MARCHF1: variants seen among roughly 807,000 people sequenced by gnomAD.
The protein encoded by MARCHF1 is E3 ubiquitin-protein ligase MARCHF1.
A neutral mutation model predicts 54.2 loss-of-function variants in MARCHF1; 40 were observed. The observed-to-expected ratio is 0.74, with a 90% CI of 0.57 to 0.96. The LOEUF is 0.96. MARCHF1 is among the 40% of genes least tolerant of loss of function. The pLI is 0.00. For synonymous variants in MARCHF1, 236 were observed against 236.3 expected (o/e 1.00, Z 0.01); for missense variants, 586 against 656.5 (o/e 0.89, Z 1.17).
chr4:164,302,440 C>T (rs1243699778), intron 1 of MARCHF1, among the ~76,000 whole-genome samples: 4 of 152,098 alleles, frequency 2.6e-5, no homozygotes, highest in Non-Finnish European at 5.9e-5. Flanking sequence ...ATTTTCCAAA[C>T]CTCTTTTTTA....
At chr4:164,148,729 A>T (rs1302639065) in intron 1 of MARCHF1, among the ~76,000 whole-genome samples, 1 of 152,200 alleles carries the variant, frequency 6.6e-6, no homozygotes, top group African/African-American at 2.4e-5. Flanking sequence ...CCACTGTGCC[A>T]TTATAAATAT....
At chr4:163,865,678 A>T (rs1021364156) in intron 3 of MARCHF1, among the ~76,000 whole-genome samples, 4 of 151,698 alleles carry the variant, frequency 2.6e-5, no homozygotes, top group African/African-American at 9.7e-5. Context: ...ATTTAATATA[A>T]ATATTTTACA....
intron 4 of MARCHF1, among the ~76,000 whole-genome samples, chr4:163,853,057 T>C (rs1749682852): frequency 6.6e-6 from 1 of 152,168 alleles, no homozygotes; most frequent in African/African-American, 2.4e-5. Context: ...CACCTTAATC[T>C]TGGACTCCAG....
intron 1 of MARCHF1, among the ~76,000 whole-genome samples, chr4:164,253,813 G>A (rs983578932): frequency 3.3e-5 from 5 of 151,984 alleles, no homozygotes; most frequent in Admixed American, 6.6e-5. Context: ...AAGAAAATCT[G>A]ACACATCCAT....
intron 2 of MARCHF1, among the ~76,000 whole-genome samples, chr4:164,056,731 G>T (rs1425007971): frequency 6.6e-6 from 1 of 152,152 alleles, no homozygotes; most frequent in African/African-American, 2.4e-5. Context: ...TTCAGGCATT[G>T]TCTGTGCCTG....
At chr4:164,333,966 A>G in intron 1 of MARCHF1, among the ~76,000 whole-genome samples, 1 of 152,240 alleles carries the variant, frequency 6.6e-6, no homozygotes, top group East Asian at 1.9e-4. Context: ...CCTTTAAGCC[A>G]AAGCGTAATC....
intron 3 of MARCHF1, among the ~76,000 whole-genome samples, chr4:163,886,728 T>A (rs543037576): frequency 6.6e-6 from 1 of 152,202 alleles, no homozygotes; most frequent in South Asian, 2.1e-4. Context: ...TGGTGAGAGA[T>A]AAGGAAAGAT....
At chr4:163,552,437 T>TA (rs1739137118) in intron 8 of MARCHF1, among the ~76,000 whole-genome samples, 2 of 152,132 alleles carry the variant, frequency 1.3e-5, no homozygotes. Flanking sequence ...CCACTGCAAG[T>TA]AATTGGCAGT....
intron 5 of MARCHF1, among the ~76,000 whole-genome samples, chr4:163,664,450 A>C (rs1743459251): frequency 6.6e-6 from 1 of 152,144 alleles, no homozygotes; most frequent in Non-Finnish European, 1.5e-5. Flanking sequence ...TAAATATAAA[A>C]GAGATGAAAC....
chr4:164,352,476 A>C (rs1730377827), intron 1 of MARCHF1, among the ~76,000 whole-genome samples: 1 of 143,050 alleles, frequency 7.0e-6, no homozygotes, highest in African/African-American at 2.5e-5. Flanking sequence ...TAAAGAAAAG[A>C]ATTTTCAACC....
At chr4:163,857,057 G>A (rs1157325470) in intron 3 of MARCHF1, among the ~76,000 whole-genome samples, 1 of 108,140 alleles carries the variant, frequency 9.2e-6, no homozygotes, top group Non-Finnish European at 2.1e-5. Flanking sequence ...TAAATAAATA[G>A]TCTCAAAAGA....
intron 1 of MARCHF1, among the ~76,000 whole-genome samples, chr4:164,243,265 C>G (rs1447492405): frequency 1.4e-5 from 2 of 143,006 alleles, no homozygotes; most frequent in Non-Finnish European, 3.0e-5. Flanking sequence ...GCCCATCAGA[C>G]TAACAGCGGA....
chr4:163,959,755 G>A (rs1752308455), intron 3 of MARCHF1, among the ~76,000 whole-genome samples: 1 of 151,944 alleles, frequency 6.6e-6, no homozygotes, highest in Non-Finnish European at 1.5e-5. Flanking sequence ...ATAGGAATGG[G>A]AAAATATTTC....
At chr4:163,914,090 T>TG (rs141446081) in intron 3 of MARCHF1, among the ~76,000 whole-genome samples, 1 of 16,032 alleles carries the variant, frequency 6.2e-5, no homozygotes, top group African/African-American at 7.6e-5. Flanking sequence ...GGAAAAATTG[T>TG]GTTTTTTTCC....
intron 3 of MARCHF1, among the ~76,000 whole-genome samples, chr4:163,935,915 T>C (rs1052292136): frequency 6.6e-6 from 1 of 152,298 alleles, no homozygotes; most frequent in Non-Finnish European, 1.5e-5. Flanking sequence ...GCTTTCAGCC[T>C]ATGTCAACTT....
At chr4:163,691,714 G>A (rs1253994929) in intron 5 of MARCHF1, among the ~76,000 whole-genome samples, 1 of 152,056 alleles carries the variant, frequency 6.6e-6, no homozygotes, top group South Asian at 2.1e-4. Context: ...TCCTGGAGAA[G>A]CTATGTTGAG....
At chr4:163,846,581 G>A (rs545395197) in intron 4 of MARCHF1, among the ~76,000 whole-genome samples, 1 of 152,078 alleles carries the variant, frequency 6.6e-6, no homozygotes, top group South Asian at 2.1e-4. Context: ...ATATGCATTG[G>A]GGAAACTATC....
At chr4:163,803,250 T>C (rs1748132049) in intron 4 of MARCHF1, among the ~76,000 whole-genome samples, 1 of 152,216 alleles carries the variant, frequency 6.6e-6, no homozygotes, top group Admixed American at 6.5e-5. Flanking sequence ...CTCAGCTCAC[T>C]GCAACCTCTG....
chr4:163,754,448 G>A (rs1440894030), intron 4 of MARCHF1, among the ~76,000 whole-genome samples: 1 of 152,164 alleles, frequency 6.6e-6, no homozygotes, highest in Non-Finnish European at 1.5e-5. Flanking sequence ...GGTGAAATTT[G>A]CAAGAATAGA....
Sources: gnomAD v4.1 joint callset for allele counts (sites outside exome capture counted in the v4.1 genomes callset) on GRCh38, gnomAD v4.1.1 for gene constraint, MANE v1.5 for transcripts, NCBI Gene and HGNC (gene_info 2026-07-23, HGNC 2026-07-21) for gene names.